The following SPMIP7 variants were observed in gnomAD, a reference collection of about 807,000 sequenced individuals.
SPMIP7 encodes the protein protein SPMIP7.
chr7:50,115,590 G>A, the SPMIP7 span, among the ~76,000 whole-genome samples: 1 of 151,988 alleles, frequency 6.6e-6, no homozygotes, highest in African/African-American at 2.4e-5. Flanking sequence ...AATTAAACTA[G>A]AACTCAATAA....
the SPMIP7 span, among the ~76,000 whole-genome samples, chr7:50,119,292 C>A: frequency 6.6e-6 from 1 of 152,270 alleles, no homozygotes; most frequent in Non-Finnish European, 1.5e-5. Flanking sequence ...TAAACCTGAC[C>A]AGGAAAACTT....
chr7:50,158,890 C>A, the SPMIP7 span, among the ~76,000 whole-genome samples: 4 of 152,174 alleles, frequency 2.6e-5, no homozygotes, highest in Admixed American at 2.0e-4. Flanking sequence ...ATCCCTGCAG[C>A]TGAGTGCTCC....
At chr7:50,103,315 G>A in the SPMIP7 span, among the ~76,000 whole-genome samples, 4 of 152,046 alleles carry the variant, frequency 2.6e-5, no homozygotes, top group Non-Finnish European at 5.9e-5. Context: ...CATGGGATAG[G>A]AGAATCGATC....
At chr7:50,141,445 A>G in the SPMIP7 span, 1 of 1,075,766 alleles carries the variant, frequency 9.3e-7, no homozygotes, top group Non-Finnish European at 1.4e-6. Flanking sequence ...AAACATGATG[A>G]TGGACTTTAC....
the SPMIP7 span, among the ~76,000 whole-genome samples, chr7:50,149,591 C>T: frequency 0.011 from 1,652 of 152,254 alleles, 27 homozygotes; most frequent in African/African-American, 0.036. Flanking sequence ...TCTTTAGCTG[C>T]CTTATTTTCC....
At chr7:50,119,777 T>C in the SPMIP7 span, among the ~76,000 whole-genome samples, 1 of 152,240 alleles carries the variant, frequency 6.6e-6, no homozygotes, top group Non-Finnish European at 1.5e-5. Context: ...CTTCCGAGCA[T>C]TGAATACTCA....
At chr7:50,152,326 C>G in the SPMIP7 span, among the ~76,000 whole-genome samples, 1 of 151,984 alleles carries the variant, frequency 6.6e-6, no homozygotes, top group African/African-American at 2.4e-5. Context: ...GACTGGGCAA[C>G]AGAGTGAGAC....
At chr7:50,109,483 C>A in the SPMIP7 span, among the ~76,000 whole-genome samples, 1 of 152,158 alleles carries the variant, frequency 6.6e-6, no homozygotes, top group South Asian at 2.1e-4. Flanking sequence ...TCAAGCAATT[C>A]TCATGCTTCA....
chr7:50,098,736 A>G, the SPMIP7 span, among the ~76,000 whole-genome samples: 3 of 152,166 alleles, frequency 2.0e-5, no homozygotes, highest in African/African-American at 7.2e-5. Context: ...TAATGCCATC[A>G]TGGAGGTCTT....
the SPMIP7 span, among the ~76,000 whole-genome samples, chr7:50,130,496 CAGGTAAGGATT>C: frequency 3.2e-3 from 488 of 152,152 alleles, 1 homozygote; most frequent in African/African-American, 0.011. Context: ...CCACCCTACA[CAGGTAAGGATT>C]ATTACAATTC....
chr7:50,149,408 C>T, the SPMIP7 span, among the ~76,000 whole-genome samples: 2 of 152,322 alleles, frequency 1.3e-5, no homozygotes, highest in African/African-American at 4.8e-5. Flanking sequence ...ATTGAAGTCT[C>T]CTCTAATCCC....
chr7:50,097,683 T>TAA, the SPMIP7 span, among the ~76,000 whole-genome samples: 63,208 of 142,048 alleles, frequency 0.44, 14,556 homozygotes, highest in East Asian at 0.68. Context: ...CATTTTATGT[T>TAA]AAAAAAAAAA....
the SPMIP7 span, among the ~76,000 whole-genome samples, chr7:50,100,640 G>A: frequency 1.3e-3 from 196 of 151,976 alleles, no homozygotes; most frequent in African/African-American, 4.3e-3. Context: ...GTGAAACCCC[G>A]TCTCTACTAA....
chr7:50,103,066 A>ATATAAT, the SPMIP7 span, among the ~76,000 whole-genome samples: 2 of 136,004 alleles, frequency 1.5e-5, no homozygotes, highest in African/African-American at 2.6e-5. Flanking sequence ...ATATATATAT[A>ATATAAT]ATATATATAA....
the SPMIP7 span, among the ~76,000 whole-genome samples, chr7:50,100,469 C>T: frequency 6.6e-6 from 1 of 152,174 alleles, no homozygotes; most frequent in South Asian, 2.1e-4. Context: ...TCAGAGTTTC[C>T]TACTCTGCCA....
the SPMIP7 span, among the ~76,000 whole-genome samples, chr7:50,102,195 G>A: frequency 6.6e-6 from 1 of 152,140 alleles, no homozygotes; most frequent in African/African-American, 2.4e-5. Flanking sequence ...GTGCTGGCGC[G>A]TGCCCGTAAT....
chr7:50,102,458 T>C, the SPMIP7 span, among the ~76,000 whole-genome samples: 6 of 152,194 alleles, frequency 3.9e-5, no homozygotes, highest in Non-Finnish European at 8.8e-5. Flanking sequence ...TATTTCCTCA[T>C]GCACTGTCAG....
At chr7:50,104,307 T>G in the SPMIP7 span, 2 of 1,474,802 alleles carry the variant, frequency 1.4e-6, no homozygotes, top group African/African-American at 2.8e-5. Flanking sequence ...TTTTTTTGTG[T>G]TTTCAGGTTG....
chr7:50,159,240 G>T, the SPMIP7 span: 3 of 1,505,300 alleles, frequency 2.0e-6, no homozygotes, highest in African/African-American at 4.2e-5. Context: ...GGAAATAAAG[G>T]CTGCTTCTCC....
Sources: allele counts gnomAD v4.1 joint callset (sites outside exome capture counted in the v4.1 genomes callset), GRCh38; gene constraint gnomAD v4.1.1; transcripts MANE v1.5; gene names NCBI Gene and HGNC (gene_info 2026-07-23, HGNC 2026-07-21).